PLCB4: variants seen among roughly 807,000 people sequenced by gnomAD.
PLCB4 encodes the protein 1-phosphatidylinositol 4,5-bisphosphate phosphodiesterase beta-4.
A neutral mutation model predicts 178.8 loss-of-function variants in PLCB4; 77 were observed. The ratio of observed to expected loss-of-function variants is 0.43; its 90% CI spans 0.36 to 0.52. The LOEUF is 0.52. Ranked by LOEUF, PLCB4 falls within the 20% of genes least tolerant of loss-of-function variation. The pLI is 0.00. For synonymous variants in PLCB4, 496 were observed against 490.8 expected (o/e 1.01, Z -0.14); for missense variants, 1,024 against 1,453.4 (o/e 0.70, Z 4.80).
At chr20:9,416,636 T>G (rs1450009314) in intron 25 of PLCB4, among the ~76,000 whole-genome samples, 2 of 152,212 alleles carry the variant, frequency 1.3e-5, no homozygotes, top group Non-Finnish European at 2.9e-5. Flanking sequence ...TATTTTCTAG[T>G]TGCCAACTCT....
At chr20:9,133,561 C>A (rs939751433) in intron 2 of PLCB4, among the ~76,000 whole-genome samples, 3 of 152,164 alleles carry the variant, frequency 2.0e-5, no homozygotes, top group Non-Finnish European at 2.9e-5. Context: ...GCCACCACAC[C>A]CAGTCTGCAA....
chr20:9,414,911 G>A (rs555773266), intron 25 of PLCB4, among the ~76,000 whole-genome samples: 2 of 152,240 alleles, frequency 1.3e-5, no homozygotes, highest in South Asian at 4.1e-4. Flanking sequence ...TTTTTATACA[G>A]CATTTCTCCC....
intron 35 of PLCB4, among the ~76,000 whole-genome samples, chr20:9,463,278 G>T (rs1306227849): frequency 6.6e-6 from 1 of 152,044 alleles, no homozygotes; most frequent in African/African-American, 2.4e-5. Context: ...ATTAAACATG[G>T]AAAGAAACAA....
intron 2 of PLCB4, among the ~76,000 whole-genome samples, chr20:9,198,718 G>A (rs1293727149): frequency 6.6e-6 from 1 of 152,008 alleles, no homozygotes; most frequent in Non-Finnish European, 1.5e-5. Context: ...GGATATTTTT[G>A]GTCACTCACT....
chr20:9,472,826 G>C lies in PLCB4; in HGVS notation c.3387G>C (p.Lys1129Asn), dbSNP rs1446036575. The change falls in exon 37 of 40, where the codon AAG (lysine) becomes AAC (asparagine). Residue 1129 changes from lysine (K) to asparagine (N), a missense_variant. Lys to Asn is a moderately conservative substitution (Grantham distance 94). Around this residue, in one of 7 missense-constraint regions of PLCB4, gnomAD observed 264 missense variants for 283.2 expected, o/e 0.93. Transcript: ENST00000378473. ...AGTTAAACAGCAGCAACACTAAAAA[G>C]TTTCTGGAAGAAAGAAAGAGAGTAA... ...VRELNSSNTK[K>N]FLEERKRLAM... is the part of the protein sequence containing the mutation. 1 of 1,596,710 alleles carries C rather than the reference G, an allele frequency of 6.3e-7. No individual in the cohort carries two copies. Among genetic ancestry groups the C allele is most frequent in the Non-Finnish European group, 8.6e-7 (1 of 1,168,276 alleles).
intron 2 of PLCB4, among the ~76,000 whole-genome samples, chr20:9,123,184 A>G (rs1181659455): frequency 1.3e-5 from 2 of 152,160 alleles, no homozygotes; most frequent in African/African-American, 2.4e-5. Context: ...GGAGATTTCC[A>G]TTTGATTCAG....
intron 3 of PLCB4, among the ~76,000 whole-genome samples, chr20:9,266,588 C>T (rs961619231): frequency 2.6e-5 from 4 of 152,124 alleles, no homozygotes; most frequent in African/African-American, 9.7e-5. Flanking sequence ...AAAAAACATT[C>T]CTTATGGAAA....
At chr20:9,388,960 G>A (rs1193712631) in intron 15 of PLCB4, among the ~76,000 whole-genome samples, 1 of 152,116 alleles carries the variant, frequency 6.6e-6, no homozygotes, top group Non-Finnish European at 1.5e-5. Context: ...GCTTTATCAT[G>A]TCAAATGGAT....
At chr20:9,201,419 T>A (rs982963245) in intron 2 of PLCB4, among the ~76,000 whole-genome samples, 12 of 152,202 alleles carry the variant, frequency 7.9e-5, no homozygotes, top group Non-Finnish European at 1.5e-5. Flanking sequence ...GGGAATCTAT[T>A]GTGATTATTA....
At chr20:9,299,918 A>G (rs1298282806) in intron 3 of PLCB4, among the ~76,000 whole-genome samples, 1 of 152,100 alleles carries the variant, frequency 6.6e-6, no homozygotes, top group East Asian at 1.9e-4. Context: ...ATTGCATATT[A>G]TCATATTTTT....
At chr20:9,411,775 T>C (rs553838026) in intron 25 of PLCB4, among the ~76,000 whole-genome samples, 12 of 150,748 alleles carry the variant, frequency 8.0e-5, no homozygotes, top group African/African-American at 2.7e-4. Context: ...CTCAGCCTCA[T>C]GCATCTGTCC....
rs187406104 is a variant in PLCB4 at position 9,421,543 on chromosome 20, G to C, written c.2319+82G>C. The C allele has an allele frequency of 6.2e-5, 67 of 1,075,780 alleles. No individual in the cohort carries two copies. The African/African-American group carries it at 7.8e-4, about 13-fold the overall frequency. 66.6% of individuals were successfully genotyped at this position (1,075,780 alleles called of 1,614,324 possible). A position where few individuals can be genotyped will look rare whatever the true frequency, so the allele number is the denominator to read the frequency against. ...TTCACAGACGCTACACGATACAGGG[G>C]CACTTATTCAACCGACAACATCTTC... On this transcript the variant is annotated intron_variant, in intron 27 of 39. Transcript: ENST00000378473.
intron 3 of PLCB4, among the ~76,000 whole-genome samples, chr20:9,296,106 C>T (rs2094630655): frequency 6.6e-6 from 1 of 152,236 alleles, no homozygotes; most frequent in African/African-American, 2.4e-5. Context: ...GCAATCTGCT[C>T]ATCTGACAAA....
At chr20:9,306,822 G>A (rs1387965840) in intron 3 of PLCB4, among the ~76,000 whole-genome samples, 2 of 152,128 alleles carry the variant, frequency 1.3e-5, no homozygotes, top group Non-Finnish European at 2.9e-5. Flanking sequence ...TAGTTGCAGG[G>A]AGCCACTCTG....
Position 9,384,143 on chromosome 20 carries a change from A to G in PLCB4, c.854-58A>G, listed in dbSNP as rs148449384. On this transcript the variant is annotated intron_variant, in intron 13 of 39. Coordinates refer to ENST00000378473, the MANE Select transcript of PLCB4 (RefSeq NM_001377142.1). The stretch of plus-strand genomic sequence containing the variant: ...AGCTGCCTCAGCTTCCATGAATAAA[A>G]CATGAGATATGCATCTTCAGAGCTA... 138 of 1,272,898 alleles carry G rather than the reference A, an allele frequency of 1.1e-4. 2 individuals carry two copies. The Middle Eastern group carries it at 1.5e-3, about 14-fold the overall frequency. The allele number at this position is 1,272,898 out of a possible 1,614,324, so 78.9% of individuals were successfully genotyped here.
At chr20:9,363,345 A>G (rs1226974753) in intron 8 of PLCB4, among the ~76,000 whole-genome samples, 1 of 152,170 alleles carries the variant, frequency 6.6e-6, no homozygotes, top group Non-Finnish European at 1.5e-5. Flanking sequence ...CCTCTGCTGC[A>G]TAAAACTGAG....
intron 1 of PLCB4, among the ~76,000 whole-genome samples, chr20:9,087,491 C>A (rs1359454711): frequency 1.3e-5 from 2 of 152,052 alleles, no homozygotes; most frequent in African/African-American, 2.4e-5. Context: ...ACCTAATTTT[C>A]AAATATTAGA....
intron 2 of PLCB4, among the ~76,000 whole-genome samples, chr20:9,122,865 A>G (rs1362475011): frequency 2.0e-5 from 3 of 152,130 alleles, no homozygotes; most frequent in Admixed American, 1.3e-4. Context: ...CAACATTTAT[A>G]AATGTGTAGG....
chr20:9,326,814 A>G (rs1007633956), intron 4 of PLCB4, among the ~76,000 whole-genome samples: 9 of 152,098 alleles, frequency 5.9e-5, no homozygotes, highest in African/African-American at 2.2e-4. Context: ...CATTTTCAAC[A>G]AGTCTAAGTC....
Sources: allele counts gnomAD v4.1 joint callset (sites outside exome capture counted in the v4.1 genomes callset), GRCh38; gene constraint gnomAD v4.1.1; regional missense constraint gnomAD v4.1.1; transcripts MANE v1.5; gene names NCBI Gene and HGNC (gene_info 2026-07-23, HGNC 2026-07-21).